The following CTNNA3 variants were observed in gnomAD, a reference collection of about 807,000 sequenced individuals.
CTNNA3 encodes catenin alpha-3.
Under a neutral mutation model 95.7 loss-of-function variants are expected in CTNNA3, and 76 were observed. The observed-to-expected ratio is 0.79, with a 90% CI of 0.66 to 0.96. CTNNA3 has a LOEUF of 0.96. Among genes scored for constraint, CTNNA3 ranks in the 40% least tolerant of loss-of-function variants. The pLI is 0.00. For synonymous variants in CTNNA3, 431 were observed against 374.4 expected (o/e 1.15, Z -1.74); for missense variants, 1,191 against 1,089.8 (o/e 1.09, Z -1.31).
intron 5 of CTNNA3, among the ~76,000 whole-genome samples, chr10:67,256,108 A>G (rs1353507776): frequency 6.6e-6 from 1 of 152,186 alleles, no homozygotes; most frequent in African/African-American, 2.4e-5. Context: ...TCTATCACCA[A>G]ACTGGACTAG....
chr10:66,530,054 C>G (rs1019983608), intron 10 of CTNNA3, among the ~76,000 whole-genome samples: 5 of 152,092 alleles, frequency 3.3e-5, no homozygotes, highest in African/African-American at 1.2e-4. Flanking sequence ...TTTCTAAAAA[C>G]AATTACTTAA....
intron 10 of CTNNA3, among the ~76,000 whole-genome samples, chr10:66,545,717 C>T (rs989021781): frequency 6.6e-5 from 10 of 151,902 alleles, no homozygotes; most frequent in African/African-American, 2.4e-4. Context: ...TAAATTATAG[C>T]CATTCTGGAG....
chr10:66,361,999 A>C (rs1362409786), intron 12 of CTNNA3, among the ~76,000 whole-genome samples: 1 of 152,118 alleles, frequency 6.6e-6, no homozygotes, highest in Non-Finnish European at 1.5e-5. Context: ...ATATCAGAAA[A>C]GATCTGTGTG....
intron 13 of CTNNA3, among the ~76,000 whole-genome samples, chr10:66,164,523 T>G (rs1367502365): frequency 6.6e-6 from 1 of 152,102 alleles, no homozygotes; most frequent in Non-Finnish European, 1.5e-5. Flanking sequence ...ACACTGTTTT[T>G]TTTTTTTTTA....
chr10:67,356,951 C>T (rs905238127), intron 5 of CTNNA3, among the ~76,000 whole-genome samples: 3 of 152,100 alleles, frequency 2.0e-5, no homozygotes, highest in Admixed American at 1.3e-4. Context: ...TTCAATGGGG[C>T]TTCAGTTCCT....
chr10:66,910,567 A>T (rs1846178911), intron 7 of CTNNA3, among the ~76,000 whole-genome samples: 1 of 152,222 alleles, frequency 6.6e-6, no homozygotes, highest in Non-Finnish European at 1.5e-5. Flanking sequence ...CAAAAGAATG[A>T]ACTGATTTTC....
At chr10:66,685,734 C>A (rs953721313) in intron 9 of CTNNA3, among the ~76,000 whole-genome samples, 52 of 151,814 alleles carry the variant, frequency 3.4e-4, no homozygotes, top group South Asian at 8.3e-4. Context: ...TGACCATGAA[C>A]AATTTTTATG....
At chr10:66,300,069 T>C (rs2091839298) in intron 12 of CTNNA3, among the ~76,000 whole-genome samples, 1 of 151,842 alleles carries the variant, frequency 6.6e-6, no homozygotes, top group African/African-American at 2.4e-5. Flanking sequence ...ATTTTTTATA[T>C]TTTTAGTAGA....
chr10:67,753,373 A>G (rs571286157), intron 1 of CTNNA3, among the ~76,000 whole-genome samples: 4 of 152,318 alleles, frequency 2.6e-5, no homozygotes, highest in South Asian at 2.1e-4. Flanking sequence ...AAAACCCTAG[A>G]AAAAAATCTA....
At chr10:66,115,186 C>T (rs938070417) in intron 13 of CTNNA3, among the ~76,000 whole-genome samples, 8 of 152,188 alleles carry the variant, frequency 5.3e-5, no homozygotes, top group East Asian at 1.9e-4. Flanking sequence ...GGTCTATCAA[C>T]GTTGCATGAT....
chr10:66,544,548 G>A (rs113529244), intron 10 of CTNNA3, among the ~76,000 whole-genome samples: 2,460 of 152,130 alleles, frequency 0.016, 31 homozygotes, highest in Middle Eastern at 0.027. Flanking sequence ...AAATTTCTGT[G>A]TTTTTAGTAA....
chr10:66,475,952 TGGAATCA>T (rs1839310898), intron 11 of CTNNA3, among the ~76,000 whole-genome samples: 2 of 151,950 alleles, frequency 1.3e-5, no homozygotes, highest in Admixed American at 6.6e-5. Flanking sequence ...AGAAAAGACA[TGGAATCA>T]ACGCAAATGC....
chr10:66,202,160 A>G (rs763045979), intron 13 of CTNNA3, among the ~76,000 whole-genome samples: 5 of 152,190 alleles, frequency 3.3e-5, no homozygotes, highest in Non-Finnish European at 5.9e-5. Context: ...TTTAACATTT[A>G]TGTACTCTCT....
intron 1 of CTNNA3, among the ~76,000 whole-genome samples, chr10:67,661,875 T>C (rs1201899892): frequency 6.6e-6 from 1 of 152,190 alleles, no homozygotes; most frequent in Non-Finnish European, 1.5e-5. Flanking sequence ...TTTGAAAGAT[T>C]ATAAATACTG....
At chr10:66,115,853 AT>A (rs1456462566) in intron 13 of CTNNA3, among the ~76,000 whole-genome samples, 4 of 152,152 alleles carry the variant, frequency 2.6e-5, no homozygotes, top group Non-Finnish European at 4.4e-5. Flanking sequence ...TCAAAAAAAA[AT>A]ATGAAAGAAA....
At chr10:67,119,065 G>T (rs569127291) in intron 7 of CTNNA3, among the ~76,000 whole-genome samples, 1 of 151,774 alleles carries the variant, frequency 6.6e-6, no homozygotes, top group Non-Finnish European at 1.5e-5. Flanking sequence ...CAATATAACT[G>T]GAGTAAAGCC....
chr10:65,944,154 G>A (rs1321940973), intron 17 of CTNNA3, among the ~76,000 whole-genome samples: 1 of 152,204 alleles, frequency 6.6e-6, no homozygotes, highest in African/African-American at 2.4e-5. Flanking sequence ...GTATGAATTA[G>A]CAGACAATTT....
chr10:67,736,131 A>T (rs1175589394), intron 1 of CTNNA3, among the ~76,000 whole-genome samples: 1 of 152,220 alleles, frequency 6.6e-6, no homozygotes, highest in Non-Finnish European at 1.5e-5. Flanking sequence ...TTAAATTCTG[A>T]TACATGCTAT....
chr10:67,660,978 C>T (rs923452553), intron 1 of CTNNA3, among the ~76,000 whole-genome samples: 4 of 151,136 alleles, frequency 2.6e-5, no homozygotes, highest in African/African-American at 9.7e-5. Flanking sequence ...TTGAGATATT[C>T]TTTCTCACCT....
Sources: gnomAD v4.1 joint callset for allele counts (sites outside exome capture counted in the v4.1 genomes callset) on GRCh38, gnomAD v4.1.1 for gene constraint, MANE v1.5 for transcripts, NCBI Gene and HGNC (gene_info 2026-07-23, HGNC 2026-07-21) for gene names.